The following TSHZ2 variants were observed in gnomAD, a reference collection of about 807,000 sequenced individuals.
The protein encoded by TSHZ2 is teashirt homolog 2.
TSHZ2 carries 21 observed loss-of-function variants against 74.4 expected under a neutral mutation model. The ratio of observed to expected loss-of-function variants is 0.28; its 90% confidence interval spans 0.20 to 0.41. The LOEUF (loss-of-function observed/expected upper bound fraction) is 0.41, where lower values mean the gene tolerates loss of function less well. Among genes scored for constraint, TSHZ2 ranks in the 10% least tolerant of loss-of-function variants. TSHZ2 has a pLI of 1.00. For synonymous variants in TSHZ2, 540 were observed against 515.3 expected, an observed-to-expected ratio of 1.05 and a Z score of -0.65; for missense variants, 1,244 against 1,293.5, an observed-to-expected ratio of 0.96 and a Z score of 0.59.
At chr20:53,126,774 C>T (rs1249096902) in intron 1 of TSHZ2, among the ~76,000 whole-genome samples, 3 of 152,146 alleles carry the variant, frequency 2.0e-5, no homozygotes, top group Non-Finnish European at 4.4e-5. Flanking sequence ...GCGAGGTAGT[C>T]ATTTGCAACT....
intron 1 of TSHZ2, among the ~76,000 whole-genome samples, chr20:53,123,175 A>G (rs766544465): frequency 2.3e-4 from 35 of 152,184 alleles, no homozygotes; most frequent in Non-Finnish European, 4.1e-4. Flanking sequence ...TTTCAAAGCA[A>G]CTTCTATGAA....
intron 1 of TSHZ2, among the ~76,000 whole-genome samples, chr20:53,027,469 A>G (rs962981115): frequency 6.6e-6 from 1 of 152,204 alleles, no homozygotes; most frequent in Non-Finnish European, 1.5e-5. Flanking sequence ...GCTAACCCTG[A>G]GGCTGAAGTA....
chr20:53,445,860 C>G (rs1469206765), intron 2 of TSHZ2, among the ~76,000 whole-genome samples: 1 of 152,138 alleles, frequency 6.6e-6, no homozygotes, highest in Non-Finnish European at 1.5e-5. Context: ...ATATGTCATG[C>G]CATTGTCCTA....
intron 1 of TSHZ2, among the ~76,000 whole-genome samples, chr20:53,065,261 ATTG>A (rs1314230217): frequency 6.6e-6 from 1 of 152,162 alleles, no homozygotes; most frequent in African/African-American, 2.4e-5. Flanking sequence ...ATTACAAATT[ATTG>A]TTGTCGTGGT....
chr20:53,065,300 C>T (rs1048016111), intron 1 of TSHZ2, among the ~76,000 whole-genome samples: 2 of 152,116 alleles, frequency 1.3e-5, no homozygotes, highest in African/African-American at 4.8e-5. Flanking sequence ...TACTTGTATG[C>T]TCTGAGACTT....
chr20:53,281,684 C>T (rs1194743518), intron 2 of TSHZ2, among the ~76,000 whole-genome samples: 1 of 152,092 alleles, frequency 6.6e-6, no homozygotes, highest in Admixed American at 6.6e-5. Context: ...CCTATTGAAT[C>T]CCTGGTTTCT....
chr20:53,113,314 C>A (rs1369631703), intron 1 of TSHZ2, among the ~76,000 whole-genome samples: 1 of 152,168 alleles, frequency 6.6e-6, no homozygotes, highest in Non-Finnish European at 1.5e-5. Flanking sequence ...CTCTTTCTTT[C>A]TAGAATTTGT....
In TSHZ2 at chr20:53,253,995, G is replaced by C. The variant is rs745314478; in HGVS notation, c.537G>C (p.Gln179His). ...HQDALSKSLQQNLPSRSVSKP... is the reference protein window; with the variant it reads ...HQDALSKSLQHNLPSRSVSKP... ...ACGCTCTGTCCAAAAGCCTGCAGCA[G>C]AACTTGCCTTCTCGGTCCGTCTCGA... The change falls in exon 2 of 3, where the codon CAG becomes CAC. Residue 179 changes from glutamine (Q) to histidine (H), a missense_variant. Around this residue, in one of 6 missense-constraint regions of TSHZ2, gnomAD observed 470 missense variants for 456.5 expected, o/e 1.03. Coordinates refer to ENST00000371497, the MANE Select transcript of TSHZ2 (RefSeq NM_173485.6). 7.4e-6 allele frequency: 12 copies of C among 1,614,048 alleles called. No individual in the cohort carries two copies. In the South Asian group the frequency reaches 1.3e-4, roughly 18 times the overall value.
At chr20:53,296,380 T>C (rs1205595178) in intron 2 of TSHZ2, among the ~76,000 whole-genome samples, 1 of 152,238 alleles carries the variant, frequency 6.6e-6, no homozygotes, top group Non-Finnish European at 1.5e-5. Flanking sequence ...TCTATCCTAT[T>C]GCATGATCAC....
intron 2 of TSHZ2, among the ~76,000 whole-genome samples, chr20:53,283,096 A>C (rs1991096138): frequency 2.0e-5 from 3 of 152,196 alleles, no homozygotes; most frequent in Admixed American, 2.0e-4. Context: ...TTAGCGCCCT[A>C]CCAGTGTTAT....
At chr20:53,163,444 T>G (rs1313818978) in intron 1 of TSHZ2, among the ~76,000 whole-genome samples, 1 of 146,300 alleles carries the variant, frequency 6.8e-6, no homozygotes, top group Non-Finnish European at 1.5e-5. Context: ...TTATTTTATT[T>G]TATTTTATTT....
chr20:53,467,985 TA>T (rs202154809), intron 2 of TSHZ2, among the ~76,000 whole-genome samples: 2 of 150,408 alleles, frequency 1.3e-5, no homozygotes, highest in African/African-American at 4.9e-5. Context: ...TATTTGAAAC[TA>T]AAAAAAAACA....
At chr20:53,278,091 T>C (rs1172065685) in intron 2 of TSHZ2, among the ~76,000 whole-genome samples, 1 of 152,206 alleles carries the variant, frequency 6.6e-6, no homozygotes, top group African/African-American at 2.4e-5. Flanking sequence ...GTTTATTCTG[T>C]CTCAGGTGCT....
intron 1 of TSHZ2, among the ~76,000 whole-genome samples, chr20:53,174,297 A>T (rs1419514017): frequency 1.3e-5 from 2 of 152,190 alleles, no homozygotes; most frequent in Non-Finnish European, 2.9e-5. Flanking sequence ...CAAGTAGAAA[A>T]AGAAAAAGGA....
intron 2 of TSHZ2, among the ~76,000 whole-genome samples, chr20:53,333,630 GT>G (rs1372731356): frequency 6.6e-6 from 1 of 152,064 alleles, no homozygotes; most frequent in African/African-American, 2.4e-5. Context: ...TAATTTTTTT[GT>G]ATTTTTAGTA....
chr20:53,413,816 C>T (rs1445540710), intron 2 of TSHZ2, among the ~76,000 whole-genome samples: 2 of 152,172 alleles, frequency 1.3e-5, no homozygotes, highest in African/African-American at 2.4e-5. Context: ...ATAGTATTCA[C>T]CTTTGTGTTA....
intron 2 of TSHZ2, among the ~76,000 whole-genome samples, chr20:53,345,636 T>G (rs1980406905): frequency 6.6e-6 from 1 of 152,084 alleles, no homozygotes; most frequent in Admixed American, 6.5e-5. Context: ...AAATTAGAGT[T>G]TGCCGAGTGC....
intron 1 of TSHZ2, among the ~76,000 whole-genome samples, chr20:52,986,664 G>A (rs902163732): frequency 4.0e-5 from 6 of 150,868 alleles, no homozygotes; most frequent in African/African-American, 1.5e-4. Context: ...AGGAGGCGGA[G>A]ATTGAAGTGA....
At chr20:53,449,103 C>T (rs566065930) in intron 2 of TSHZ2, among the ~76,000 whole-genome samples, 1 of 152,166 alleles carries the variant, frequency 6.6e-6, no homozygotes, top group Non-Finnish European at 1.5e-5. Context: ...CATCACCCCC[C>T]AACACTTTAC....
Sources: gnomAD v4.1 joint callset for allele counts (sites outside exome capture counted in the v4.1 genomes callset) on GRCh38, gnomAD v4.1.1 for gene constraint, gnomAD v4.1.1 regional missense constraint, MANE v1.5 for transcripts, NCBI Gene and HGNC (gene_info 2026-07-23, HGNC 2026-07-21) for gene names.